The following BRPF3 variants were observed in gnomAD, a reference collection of about 807,000 sequenced individuals.
BRPF3 encodes bromodomain and PHD finger containing 3.
In BRPF3, 18 loss-of-function variants were observed where a neutral mutation model predicts 102.0. The observed-to-expected ratio is 0.18, with a 90% CI of 0.12 to 0.26. BRPF3 has a LOEUF of 0.26. BRPF3 is among the 10% of genes least tolerant of loss of function. The probability of loss-of-function intolerance (pLI) is 1.00; values close to 1 mark genes in which losing one functional copy is unlikely to be tolerated. For missense variants in BRPF3, 1,147 were observed against 1,567.8 expected (o/e 0.73, Z 4.53); for synonymous variants, 570 against 614.2 (o/e 0.93, Z 1.06).
rs1768884947 is a variant in BRPF3 at position 36,230,073 on chromosome 6, G to T, written c.3435-353G>T. Among the ~76,000 whole-genome samples the T allele has an allele frequency of 6.6e-6, 1 of 152,114 alleles. No individual in the cohort carries two copies. Among genetic ancestry groups the T allele is most frequent in the Non-Finnish European group, 1.5e-5 (1 of 68,020 alleles). The stretch of plus-strand genomic sequence containing the variant: ...AGCCATCGCCCCCTAATTCTCCAAC[G>T]CAAGGCGAGGCTCAGAGCCCTCCAG... On this transcript the variant is annotated intron_variant, in intron 12 of 12. Transcript: ENST00000357641. This position sits in a 1 kb window ranked among gnomAD's most constrained non-coding sequence, Gnocchi z 5.4.
intron 1 of BRPF3, among the ~76,000 whole-genome samples, chr6:36,198,142 G>A (rs1220012070): frequency 6.6e-6 from 1 of 152,194 alleles, no homozygotes; most frequent in East Asian, 1.9e-4. Flanking sequence ...CAGAATTGCT[G>A]CGATGATTCT....
In BRPF3 at chr6:36,217,898, C is replaced by G. The variant is rs373010792; in HGVS notation, c.2990-19C>G. Reference sequence around the variant, plus strand: ...AGGGGGATTTCTGCACTCAGACTCACTGTGTGTGTCCTTGGCAGGCATGAC... The same window carrying G: ...AGGGGGATTTCTGCACTCAGACTCAGTGTGTGTGTCCTTGGCAGGCATGAC... On this transcript the variant is annotated intron_variant, in intron 8 of 12. Coordinates refer to ENST00000357641, the MANE Select transcript of BRPF3 (RefSeq NM_015695.3). 4 of 1,609,630 alleles carry G rather than the reference C, an allele frequency of 2.5e-6. No homozygotes were observed. In the African/African-American group the frequency reaches 5.3e-5, roughly 22 times the overall value.
intron 2 of BRPF3, among the ~76,000 whole-genome samples, chr6:36,202,965 G>C (rs1767769670): frequency 6.6e-6 from 1 of 152,154 alleles, no homozygotes; most frequent in South Asian, 2.1e-4. Context: ...ATCAGAAGGG[G>C]GAGGCTCTTA....
intron 11 of BRPF3, among the ~76,000 whole-genome samples, chr6:36,226,811 C>G (rs941915956): frequency 2.0e-5 from 3 of 152,250 alleles, no homozygotes; most frequent in Non-Finnish European, 4.4e-5. Context: ...TTAGCAGTAG[C>G]AGGTGGGGAA....
chr6:36,212,313 G>C (rs1768150774), intron 7 of BRPF3, among the ~76,000 whole-genome samples: 1 of 152,204 alleles, frequency 6.6e-6, no homozygotes, highest in Admixed American at 6.5e-5. Context: ...GCTTGGGAGG[G>C]CCTGTCACGC....
intron 7 of BRPF3, among the ~76,000 whole-genome samples, 174 bp from the exon 8 acceptor site, chr6:36,213,706 A>G (rs533545774): frequency 6.7e-6 from 1 of 149,632 alleles, no homozygotes; most frequent in East Asian, 2.0e-4. Flanking sequence ...CTGTCTCTGA[A>G]AAAAAAAAAA....
At position 36,218,037 on chromosome 6, in the gene BRPF3, C is replaced by G. The variant is rs527957090; in HGVS notation, c.3083+27C>G. ...TAAGAACACATTCCCAAAGCTTTGT[C>G]AGCAGCTCTGCTACCCCTCCTTTTA... is the stretch of plus-strand genomic sequence containing the variant. On this transcript the variant is annotated intron_variant, in intron 9 of 12. Transcript: ENST00000357641. 10 of 1,589,522 alleles carry G rather than the reference C, an allele frequency of 6.3e-6. No individual in the cohort carries two copies. The South Asian group carries it at 1.1e-4, about 18-fold the overall frequency.
chr6:36,230,482 A>C lies in BRPF3; in HGVS notation c.3491A>C (p.Lys1164Thr). The C allele has an allele frequency of 6.2e-7, 1 of 1,614,174 alleles. No homozygotes were observed. The highest frequency in any genetic ancestry group is 8.5e-7 in the Non-Finnish European group (1 of 1,180,010). Residue 1164 changes from lysine (K) to threonine (T), a missense_variant, in exon 13 of 13, where the codon AAG becomes ACG. By Grantham distance (78) the Lys-to-Thr change is moderately conservative (BLOSUM62 -1). Transcript: ENST00000357641. This position sits in a 1 kb window ranked among gnomAD's most constrained non-coding sequence, Gnocchi z 5.4. ...LPLGVEDTVDKLKMLEGRKTS... is the reference protein window; with the variant it reads ...LPLGVEDTVDTLKMLEGRKTS... ...TTGGGTGTGGAAGACACCGTGGACA[A>C]GCTCAAGATGCTGGAAGGCCGCAAG...
At position 36,201,158 on chromosome 6, in the gene BRPF3, T is replaced by A; in HGVS notation, c.836T>A (p.Phe279Tyr). ...CTTTGCCCCAATAAGGGTGGCGCCT[T>A]CAAACAGACCAGTGATGGGCACTGG... ...CILCPNKGGAFKQTSDGHWAH... is the reference protein window; with the variant it reads ...CILCPNKGGAYKQTSDGHWAH... Residue 279 changes from phenylalanine (F) to tyrosine (Y), a missense_variant, in exon 2 of 13, where the codon TTC (phenylalanine) becomes TAC (tyrosine). Physicochemically the swap from Phe to Tyr is conservative, Grantham distance 22. Coordinates refer to ENST00000357641, the MANE Select transcript of BRPF3 (RefSeq NM_015695.3). This position sits in a 1 kb window ranked among gnomAD's most constrained non-coding sequence, Gnocchi z 5.1. The A allele has an allele frequency of 1.2e-6, 2 of 1,614,134 alleles. No individual in the cohort carries two copies. Among genetic ancestry groups the A allele is most frequent in the African/African-American group, 1.3e-5 (1 of 75,008 alleles).
At position 36,214,336 on chromosome 6, in the gene BRPF3, G is replaced by C. The variant is rs747265005; in HGVS notation, c.2939G>C (p.Ser980Thr). Residue 980 changes from serine (S) to threonine (T), a missense_variant, in exon 8 of 13, where the codon AGC (serine) becomes ACC (threonine). This residue lies in a region of BRPF3 where 379 missense variants were observed against 426.3 expected (regional missense o/e 0.89). Coordinates refer to ENST00000357641, the MANE Select transcript of BRPF3 (RefSeq NM_015695.3). ...TCCCGGAAGCGGCCAAGGAGCAGGA[G>C]CTGTAGTGAGAGCGAAGGGGAGAGG... Reference protein sequence around the residue: ...RHSRKRPRSRSCSESEGERSP... With the variant: ...RHSRKRPRSRTCSESEGERSP... 13 of 1,612,042 alleles carry C rather than the reference G, an allele frequency of 8.1e-6. No homozygotes were observed. In the East Asian group the frequency reaches 2.7e-4, roughly 33 times the overall value.
chr6:36,208,575 TTCC>T (rs1199462217), intron 4 of BRPF3, among the ~76,000 whole-genome samples: 1 of 152,214 alleles, frequency 6.6e-6, no homozygotes, highest in Non-Finnish European at 1.5e-5. Context: ...TAGCCTGAGT[TTCC>T]TCCTCATAGC....
intron 4 of BRPF3, among the ~76,000 whole-genome samples, chr6:36,208,743 G>T (rs1053596789): frequency 6.6e-6 from 1 of 152,230 alleles, no homozygotes; most frequent in African/African-American, 2.4e-5. Context: ...AGAGAAGAAG[G>T]CCTGGTCCTG....
At chr6:36,218,061 T>A in intron 9 of BRPF3, 51 bp downstream of exon 9, 1 of 1,488,314 alleles carries the variant, frequency 6.7e-7, no homozygotes, top group Non-Finnish European at 9.3e-7. Flanking sequence ...CCCCTCCTTT[T>A]ACTCTCCATT....
At chr6:36,204,911 T>C in intron 3 of BRPF3, 97 bp downstream of exon 3, 1 of 1,505,502 alleles carries the variant, frequency 6.6e-7, no homozygotes. Context: ...TCTTGATCCC[T>C]CCATGGAGCC....
intron 11 of BRPF3, among the ~76,000 whole-genome samples, chr6:36,228,133 GT>G (rs1768807043): frequency 6.6e-6 from 1 of 152,174 alleles, no homozygotes. Flanking sequence ...TGTGCTTGGT[GT>G]TTTCCTCTTG....
chr6:36,230,704 T>A lies in BRPF3; in HGVS notation c.*95T>A. 7.0e-7 allele frequency: 1 copy of A among 1,420,682 alleles called. No homozygotes were observed. The highest frequency in any genetic ancestry group is 9.5e-7 in the Non-Finnish European group (1 of 1,053,182). The allele number at this position is 1,420,682 out of a possible 1,614,324, so 88.0% of individuals were successfully genotyped here. A position where few individuals can be genotyped will look rare whatever the true frequency, so the allele number is the denominator to read the frequency against. On this transcript the variant is annotated 3_prime_UTR_variant, in exon 13 of 13. Transcript: ENST00000357641. This position sits in a 1 kb window ranked among gnomAD's most constrained non-coding sequence, Gnocchi z 5.4. ...CCTGCCAGATGTATGGCCGGCAGCT[T>A]CCCCCTCTCATGGTAGGCCAGGGAC...
Position 36,230,610 on chromosome 6 carries a change from G to T in BRPF3, c.*1G>T. 2 of 1,604,444 alleles carry T rather than the reference G, an allele frequency of 1.2e-6. No individual in the cohort carries two copies. The highest frequency in any genetic ancestry group is 1.4e-5 in the African/African-American group (1 of 71,156). ...CTTCGTCACTTCCAGCTACCTGTAA[G>T]GGCAGGGCTGGGCCTGCATCCGCTT... On this transcript the variant is annotated 3_prime_UTR_variant, in exon 13 of 13. Transcript: ENST00000357641. This position sits in a 1 kb window ranked among gnomAD's most constrained non-coding sequence, Gnocchi z 5.4.
chr6:36,203,563 T>G (rs1440963502), intron 2 of BRPF3, among the ~76,000 whole-genome samples: 1 of 152,200 alleles, frequency 6.6e-6, no homozygotes, highest in East Asian at 1.9e-4. Context: ...GTTCTTGATT[T>G]TATAAGCTTG....
chr6:36,224,382 G>A (rs888111774), intron 10 of BRPF3, among the ~76,000 whole-genome samples: 2 of 152,110 alleles, frequency 1.3e-5, no homozygotes, highest in African/African-American at 2.4e-5. Flanking sequence ...CATCTGTGAA[G>A]CACTCATTCA....
Sources: gnomAD v4.1 joint callset for allele counts (sites outside exome capture counted in the v4.1 genomes callset) on GRCh38, gnomAD v4.1.1 for gene constraint, gnomAD v4.1.1 regional missense constraint, Gnocchi (gnomAD v3.1) non-coding constraint, MANE v1.5 for transcripts, NCBI Gene and HGNC (gene_info 2026-07-23, HGNC 2026-07-21) for gene names.